The following TBC1D16 variants were observed in gnomAD, a reference collection of about 807,000 sequenced individuals.
TBC1D16 encodes TBC1 domain family member 16.
In TBC1D16, 58 loss-of-function variants were observed where a neutral mutation model predicts 74.7. That is an observed-to-expected ratio of 0.78 (90% CI 0.63 to 0.97). TBC1D16 has a LOEUF of 0.97. TBC1D16 is among the 50% of genes least tolerant of loss of function. The pLI is 0.00. For missense variants in TBC1D16, 1,014 were observed against 1,079.5 expected (o/e 0.94, Z 0.85); for synonymous variants, 493 against 474.7 (o/e 1.04, Z -0.50).
In TBC1D16 at chr17:79,990,401, C is replaced by G. The variant is rs2035012951; in HGVS notation, c.779+19759G>C. Among the ~76,000 whole-genome samples, 1 of 152,202 alleles carries G rather than the reference C, an allele frequency of 6.6e-6. No individual in the cohort carries two copies. Among genetic ancestry groups the G allele is most frequent in the African/African-American group, 2.4e-5 (1 of 41,466 alleles). On this transcript the variant is annotated intron_variant, in intron 3 of 11. Transcript: ENST00000310924. The surrounding 1 kb of genome is among the most constrained non-coding windows in gnomAD (Gnocchi z 4.8). The stretch of plus-strand genomic sequence containing the variant: ...CCGGGCAGAGGTGAGCCTGGGCAGC[C>G]ACCTCCCACGTGATTTCCCAATGCT...
rs943931498 is a variant in TBC1D16 at position 79,950,544 on chromosome 17, G to A, written c.1124C>T (p.Ser375Phe). Residue 375 changes from serine (S) to phenylalanine (F), a missense_variant, in exon 6 of 12, where the codon TCC (serine) becomes TTC (phenylalanine). Coordinates refer to ENST00000310924, the MANE Select transcript of TBC1D16 (RefSeq NM_019020.4). This position sits in a 1 kb window ranked among gnomAD's most constrained non-coding sequence, Gnocchi z 4.6. ...GGACGGCAGCTTGGGGCGGCGGATGGAGAACTGCATGCATGTCTTATCGGG... is the reference window on the plus strand; with the variant it reads ...GGACGGCAGCTTGGGGCGGCGGATGAAGAACTGCATGCATGTCTTATCGGG... ...VAPDKTCMQF[S>F]IRRPKLPSSE... 3 of 1,613,276 alleles carry A rather than the reference G, an allele frequency of 1.9e-6. No individual in the cohort carries two copies. Among genetic ancestry groups the A allele is most frequent in the Non-Finnish European group, 2.5e-6 (3 of 1,179,896 alleles).
In TBC1D16 at chr17:79,979,958, C is replaced by G. The variant is rs967207631; in HGVS notation, c.780-27140G>C. Among the ~76,000 whole-genome samples, 4 of 152,122 alleles carry G rather than the reference C, an allele frequency of 2.6e-5. No individual in the cohort carries two copies. The highest frequency in any genetic ancestry group is 9.7e-5 in the African/African-American group (4 of 41,422). ...AGGTCCCAGACACATCCATTATGGC[C>G]AAACACAAGAAGCCCTCAGGCCTGC... On this transcript the variant is annotated intron_variant, in intron 3 of 11. Transcript: ENST00000310924. The surrounding 1 kb of genome is among the most constrained non-coding windows in gnomAD (Gnocchi z 4.8).
At chr17:79,946,331 C>A (rs917135095) in intron 9 of TBC1D16, among the ~76,000 whole-genome samples, 3 of 152,232 alleles carry the variant, frequency 2.0e-5, no homozygotes, top group African/African-American at 7.2e-5. Context: ...AGGGTTCTCG[C>A]GTTCGAGCTT....
At position 80,010,569 on chromosome 17, in the gene TBC1D16, G is replaced by C; in HGVS notation, c.370C>G (p.Gln124Glu). 6.2e-7 allele frequency: 1 copy of C among 1,601,690 alleles called. No homozygotes were observed. Among genetic ancestry groups the C allele is most frequent in the Non-Finnish European group, 8.5e-7 (1 of 1,176,056 alleles). The stretch of plus-strand genomic sequence containing the variant: ...GGCCGCAGCTCCGTCGGGGAGGGCT[G>C]GTGGGAGGCTCCTGAGCTCCGGGTG... ...RRTRSSGASH[Q>E]PSPTELRPTL... The change falls in exon 3 of 12, where the codon CAG (glutamine) becomes GAG (glutamate). Residue 124 changes from glutamine (Q) to glutamate (E), a missense_variant. Gln to Glu is a conservative substitution (Grantham distance 29). Transcript: ENST00000310924. This position sits in a 1 kb window ranked among gnomAD's most constrained non-coding sequence, Gnocchi z 8.8.
chr17:79,986,860 AGG>A lies in TBC1D16; in HGVS notation c.779+23298_779+23299del, dbSNP rs2034858402. ...AGAAGCCTGAGGCCGGGCCGGTGGG[AGG>A]GCGTGATGCATGGGAGGAGCTGGAC... On this transcript the variant is annotated intron_variant, in intron 3 of 11. Transcript: ENST00000310924. This position sits in a 1 kb window ranked among gnomAD's most constrained non-coding sequence, Gnocchi z 6.0. Among the ~76,000 whole-genome samples the A allele has an allele frequency of 6.6e-6, 1 of 152,160 alleles. No individual in the cohort carries two copies.
chr17:79,949,976 C>T (rs1285669180), intron 6 of TBC1D16, 111 bp from the exon 7 acceptor site: 1 of 1,318,868 alleles, frequency 7.6e-7, no homozygotes, highest in African/African-American at 1.5e-5. Flanking sequence ...TGATTCAGAT[C>T]TCTGCAATTT....
At chr17:79,953,107 G>T in intron 3 of TBC1D16, 1 of 260,634 alleles carries the variant, frequency 3.8e-6, no homozygotes, top group Non-Finnish European at 7.2e-6. Flanking sequence ...ACACTGACTG[G>T]GGTTCCTCGC....
Position 80,013,592 on chromosome 17 carries a change from G to A in TBC1D16, c.-45C>T. The A allele has an allele frequency of 6.9e-7, 1 of 1,450,876 alleles. No individual in the cohort carries two copies. The highest frequency in any genetic ancestry group is 9.1e-7 in the Non-Finnish European group (1 of 1,098,648). The allele number at this position is 1,450,876 out of a possible 1,614,324, so 89.9% of individuals were successfully genotyped here. A position where few individuals can be genotyped will look rare whatever the true frequency, so the allele number is the denominator to read the frequency against. ...TCCTCCGCATGCGTCGGCCCGGGCA[G>A]GGCTCGTCAAGACCTGCCTGGGGGA... is the stretch of plus-strand genomic sequence containing the variant. On this transcript the variant is annotated 5_prime_UTR_variant, in exon 2 of 12. Transcript: ENST00000310924.
intron 3 of TBC1D16, among the ~76,000 whole-genome samples, chr17:79,963,998 CAG>C (rs1251566740): frequency 6.6e-6 from 1 of 152,038 alleles, no homozygotes; most frequent in Non-Finnish European, 1.5e-5. Context: ...GTTTTGGAGA[CAG>C]AGTCTTGCTC....
chr17:80,018,785 G>C (rs1265952439), intron 1 of TBC1D16, among the ~76,000 whole-genome samples: 1 of 149,236 alleles, frequency 6.7e-6, no homozygotes, highest in Admixed American at 6.6e-5. Context: ...ATTTTTTGTA[G>C]AGATGAGGTT....
chr17:80,010,103 G>T lies in TBC1D16; in HGVS notation c.779+57C>A. On this transcript the variant is annotated intron_variant, in intron 3 of 11. Transcript: ENST00000310924. This position sits in a 1 kb window ranked among gnomAD's most constrained non-coding sequence, Gnocchi z 8.8. ...CAGGTGACGCAGGTGAGTGCTTCCT[G>T]CCCAGGTCAGGCCTTGGGGGCCTCC... 1 of 1,430,018 alleles carries T rather than the reference G, an allele frequency of 7.0e-7. No homozygotes were observed. The highest frequency in any genetic ancestry group is 1.3e-5 in the South Asian group (1 of 74,938). 88.6% of individuals were successfully genotyped at this position (1,430,018 alleles called of 1,614,324 possible). A position where few individuals can be genotyped will look rare whatever the true frequency, so the allele number is the denominator to read the frequency against.
At position 79,994,892 on chromosome 17, in the gene TBC1D16, C is replaced by G. The variant is rs985137093; in HGVS notation, c.779+15268G>C. ...AGAGAGAATGTAAAACACTTCCCATCGGCGGCCGTGTATACTGATCCCACA... is the reference window on the plus strand; with the variant it reads ...AGAGAGAATGTAAAACACTTCCCATGGGCGGCCGTGTATACTGATCCCACA... On this transcript the variant is annotated intron_variant, in intron 3 of 11. Transcript: ENST00000310924. This position sits in a 1 kb window ranked among gnomAD's most constrained non-coding sequence, Gnocchi z 4.6. Among the ~76,000 whole-genome samples the G allele has an allele frequency of 1.3e-5, 2 of 152,208 alleles. No homozygotes were observed. Among genetic ancestry groups the G allele is most frequent in the African/African-American group, 4.8e-5 (2 of 41,442 alleles).
At chr17:79,943,822 C>A in intron 10 of TBC1D16, 2 of 1,339,828 alleles carry the variant, frequency 1.5e-6, no homozygotes, top group Admixed American at 3.2e-5. Context: ...GTAACATCAG[C>A]CTGAACGTAA....
In TBC1D16 at chr17:79,940,658, G is replaced by T; in HGVS notation, c.*201C>A. 1.8e-6 allele frequency: 1 copy of T among 571,176 alleles called. No homozygotes were observed. Among genetic ancestry groups the T allele is most frequent in the Non-Finnish European group, 2.7e-6 (1 of 370,986 alleles). 35.4% of individuals were successfully genotyped at this position (571,176 alleles called of 1,614,324 possible). A position where few individuals can be genotyped will look rare whatever the true frequency, so the allele number is the denominator to read the frequency against. On this transcript the variant is annotated 3_prime_UTR_variant, in exon 12 of 12. Transcript: ENST00000310924. This position sits in a 1 kb window ranked among gnomAD's most constrained non-coding sequence, Gnocchi z 5.4. ...GCGTTTCAGGAGCTGACTTTCCTCT[G>T]GGTGGCTGTAGATCTGACTTCTGTC...
chr17:80,004,969 G>A (rs765043140), intron 3 of TBC1D16, among the ~76,000 whole-genome samples: 2 of 152,348 alleles, frequency 1.3e-5, no homozygotes, highest in African/African-American at 2.4e-5. Flanking sequence ...GCCACGTGCC[G>A]GCCACTTTGG....
At chr17:79,957,800 T>C (rs1250313312) in intron 3 of TBC1D16, among the ~76,000 whole-genome samples, 1 of 151,410 alleles carries the variant, frequency 6.6e-6, no homozygotes, top group Non-Finnish European at 1.5e-5. Flanking sequence ...GAATTCTCTG[T>C]ACCCTTCACT....
At position 79,948,890 on chromosome 17, in the gene TBC1D16, G is replaced by A. The variant is rs2032792624; in HGVS notation, c.1523C>T (p.Pro508Leu). ...GGAGTACCTCATGCTCTCCACATTG[G>A]GATTGTCTTCCCCCCGGAAGAACTG... ...NNQFFRGEDN[P>L]NVESMRRILL... The change falls in exon 8 of 12, where the codon CCC (proline) becomes CTC (leucine). Residue 508 changes from proline (P) to leucine (L), a missense_variant. By Grantham distance (98) the Pro-to-Leu change is moderately conservative (BLOSUM62 -3). Coordinates refer to ENST00000310924, the MANE Select transcript of TBC1D16 (RefSeq NM_019020.4). 1 of 1,614,106 alleles carries A rather than the reference G, an allele frequency of 6.2e-7. No individual in the cohort carries two copies. The highest frequency in any genetic ancestry group is 2.2e-5 in the East Asian group (1 of 44,882).
rs1310269247 is a variant in TBC1D16 at position 79,988,888 on chromosome 17, C to A, written c.779+21272G>T. ...CTGGGCTCTGCTGGGCTGGACGGTG[C>A]CACCCTCCCCAACCCGCACCTGCCC... On this transcript the variant is annotated intron_variant, in intron 3 of 11. Transcript: ENST00000310924. This position sits in a 1 kb window ranked among gnomAD's most constrained non-coding sequence, Gnocchi z 5.7. 6.6e-6 allele frequency among the ~76,000 whole-genome samples: 1 copy of A among 152,202 alleles called. No homozygotes were observed. Among genetic ancestry groups the A allele is most frequent in the African/African-American group, 2.4e-5 (1 of 41,446 alleles).
At chr17:79,984,429 G>T (rs113513980) in intron 3 of TBC1D16, among the ~76,000 whole-genome samples, 44 of 152,142 alleles carry the variant, frequency 2.9e-4, no homozygotes, top group African/African-American at 1.1e-3. Flanking sequence ...ACACAAGGCT[G>T]AAGGAAATAC....
Sources: allele counts gnomAD v4.1 joint callset (sites outside exome capture counted in the v4.1 genomes callset), GRCh38; gene constraint gnomAD v4.1.1; non-coding constraint Gnocchi (gnomAD v3.1); transcripts MANE v1.5; gene names NCBI Gene and HGNC (gene_info 2026-07-23, HGNC 2026-07-21).